Variants in HOMER1 observed in about 807,000 individuals in gnomAD.
The protein encoded by HOMER1 is homer scaffold protein 1.
HOMER1 carries 3 observed loss-of-function variants against 48.9 expected under a neutral mutation model. The observed-to-expected ratio is 0.06, with a 90% CI of 0.03 to 0.16. The LOEUF (loss-of-function observed/expected upper bound fraction) is 0.16, where lower values mean the gene tolerates loss of function less well. Ranked by LOEUF, HOMER1 falls within the 10% of genes least tolerant of loss-of-function variation. The probability of loss-of-function intolerance (pLI) is 1.00; values close to 1 mark genes in which losing one functional copy is unlikely to be tolerated. For missense variants in HOMER1, 247 were observed against 411.4 expected (o/e 0.60, Z 3.46); for synonymous variants, 134 against 146.4 (o/e 0.92, Z 0.61).
chr5:79,507,365 G>A (rs1312524491), intron 1 of HOMER1, among the ~76,000 whole-genome samples: 3 of 151,610 alleles, frequency 2.0e-5, no homozygotes, highest in Admixed American at 6.6e-5. Flanking sequence ...CTTATCACAT[G>A]TAGATTCTTT....
intron 1 of HOMER1, among the ~76,000 whole-genome samples, chr5:79,509,347 G>C (rs1287049325): frequency 6.6e-6 from 1 of 152,200 alleles, no homozygotes; most frequent in Non-Finnish European, 1.5e-5. Flanking sequence ...TACCATTGCT[G>C]ATGGCACTAG....
At chr5:79,408,043 T>C (rs1274577202) in intron 5 of HOMER1, among the ~76,000 whole-genome samples, 1 of 152,230 alleles carries the variant, frequency 6.6e-6, no homozygotes, top group Non-Finnish European at 1.5e-5. Context: ...GTTGTTAATC[T>C]CTTACTGTGC....
At chr5:79,435,953 C>T (rs1268331905) in intron 5 of HOMER1, among the ~76,000 whole-genome samples, 2 of 148,120 alleles carry the variant, frequency 1.4e-5, no homozygotes, top group Admixed American at 1.4e-4. Flanking sequence ...GGTGAAACCC[C>T]GTCTCTACTA....
intron 1 of HOMER1, among the ~76,000 whole-genome samples, chr5:79,462,376 A>C (rs1327971413): frequency 6.6e-6 from 1 of 152,238 alleles, no homozygotes; most frequent in East Asian, 1.9e-4. Context: ...GAATTCTAGG[A>C]AATTGGTGTA....
At chr5:79,453,732 A>C (rs761485280) in intron 2 of HOMER1, among the ~76,000 whole-genome samples, 2 of 152,180 alleles carry the variant, frequency 1.3e-5, no homozygotes, top group Non-Finnish European at 2.9e-5. Context: ...ATAATCAGAA[A>C]ACCTTAAAGC....
chr5:79,491,080 A>AG (rs1752261203), intron 1 of HOMER1, among the ~76,000 whole-genome samples: 1 of 60,900 alleles, frequency 1.6e-5, no homozygotes, highest in Non-Finnish European at 2.6e-5. Flanking sequence ...CAAAGCAAAA[A>AG]AAAAAAAAAA....
At chr5:79,509,781 T>C (rs1163260104) in intron 1 of HOMER1, among the ~76,000 whole-genome samples, 1 of 152,206 alleles carries the variant, frequency 6.6e-6, no homozygotes, top group Non-Finnish European at 1.5e-5. Flanking sequence ...TCACTGATTT[T>C]ATTAAAAATA....
At chr5:79,426,765 A>G (rs1295901108) in intron 5 of HOMER1, among the ~76,000 whole-genome samples, 2 of 152,098 alleles carry the variant, frequency 1.3e-5, no homozygotes, top group African/African-American at 4.8e-5. Context: ...ATAATTTATT[A>G]TATTATCTCA....
intron 8 of HOMER1, among the ~76,000 whole-genome samples, chr5:79,392,235 C>A (rs895643761): frequency 3.9e-5 from 6 of 152,036 alleles, no homozygotes; most frequent in African/African-American, 9.7e-5. Context: ...TATCTGACAG[C>A]CCCAGGCAGG....
At chr5:79,391,684 A>G (rs1323639754) in intron 8 of HOMER1, among the ~76,000 whole-genome samples, 2 of 151,808 alleles carry the variant, frequency 1.3e-5, no homozygotes, top group South Asian at 2.1e-4. Context: ...CGGAGGTTAC[A>G]GTGAGCTGAG....
chr5:79,475,080 T>C (rs904514050), intron 1 of HOMER1, among the ~76,000 whole-genome samples: 3 of 152,232 alleles, frequency 2.0e-5, no homozygotes, highest in African/African-American at 7.2e-5. Flanking sequence ...TGGTACATTC[T>C]TTGGCTATAA....
At chr5:79,409,346 C>G (rs1749753673) in intron 5 of HOMER1, among the ~76,000 whole-genome samples, 2 of 150,932 alleles carry the variant, frequency 1.3e-5, no homozygotes, top group Non-Finnish European at 2.9e-5. Flanking sequence ...ACAGGAAAAC[C>G]ACTTGAACCG....
chr5:79,421,182 T>C (rs184011242), intron 5 of HOMER1, among the ~76,000 whole-genome samples: 1 of 152,364 alleles, frequency 6.6e-6, no homozygotes, highest in African/African-American at 2.4e-5. Context: ...CAGAATACCT[T>C]TGAAGCTATG....
chr5:79,420,326 G>A (rs1316556646), intron 5 of HOMER1, among the ~76,000 whole-genome samples: 6 of 151,988 alleles, frequency 3.9e-5, no homozygotes, highest in African/African-American at 1.5e-4. Flanking sequence ...CTCAGATGAG[G>A]GCACTAAAAC....
At chr5:79,507,730 T>A (rs764727298) in intron 1 of HOMER1, among the ~76,000 whole-genome samples, 1 of 151,534 alleles carries the variant, frequency 6.6e-6, no homozygotes, top group Non-Finnish European at 1.5e-5. Flanking sequence ...AAAAATCACA[T>A]GGCAGTAGAG....
chr5:79,473,054 T>G (rs1431210436), intron 1 of HOMER1, among the ~76,000 whole-genome samples: 1 of 152,170 alleles, frequency 6.6e-6, no homozygotes, highest in South Asian at 2.1e-4. Context: ...AGGGATCCCA[T>G]AAATATCAAC....
rs898443199 is a variant in HOMER1 at position 79,375,213 on chromosome 5, T to C, written c.*796A>G. The C allele has an allele frequency of 5.3e-5, 8 of 152,206 alleles. No homozygotes were observed. The highest frequency in any genetic ancestry group is 1.7e-4 in the African/African-American group (7 of 41,582). 9.4% of individuals were successfully genotyped at this position (152,206 alleles called of 1,614,324 possible). A position where few individuals can be genotyped will look rare whatever the true frequency, so the allele number is the denominator to read the frequency against. Reference sequence around the variant, plus strand: ...CTGTATTTCAGTACTGTGTGTCAAATTTATTAGAAACTTAAAAAGAAAAAT... The same window carrying C: ...CTGTATTTCAGTACTGTGTGTCAAACTTATTAGAAACTTAAAAAGAAAAAT... On this transcript the variant is annotated 3_prime_UTR_variant, in exon 9 of 9. Transcript: ENST00000334082.
At position 79,513,993 on chromosome 5, in the gene HOMER1, T is replaced by C. The variant is rs1271714260; in HGVS notation, c.-1219A>G. On this transcript the variant is annotated 5_prime_UTR_variant, in exon 1 of 9. Transcript: ENST00000334082. ...ACTTCCATCAGCGCCCGCCTCCGGC[T>C]ACCGCCGGGCAGAGCAGCGCCAGCC... 1 of 153,524 alleles carries C rather than the reference T, an allele frequency of 6.5e-6. No homozygotes were observed. Among genetic ancestry groups the C allele is most frequent in the African/African-American group, 2.4e-5 (1 of 41,422 alleles). The allele number at this position is 153,524 out of a possible 1,614,324, so 9.5% of individuals were successfully genotyped here.
At chr5:79,432,298 AT>A (rs1171451908) in intron 5 of HOMER1, among the ~76,000 whole-genome samples, 2 of 152,188 alleles carry the variant, frequency 1.3e-5, no homozygotes, top group Non-Finnish European at 2.9e-5. Flanking sequence ...GGAAAAAGGA[AT>A]TTTTTAAAGC....
Sources: allele counts gnomAD v4.1 joint callset (sites outside exome capture counted in the v4.1 genomes callset), GRCh38; gene constraint gnomAD v4.1.1; transcripts MANE v1.5; gene names NCBI Gene and HGNC (gene_info 2026-07-23, HGNC 2026-07-21).